The following STARD13 variants were observed in gnomAD, a reference collection of about 807,000 sequenced individuals.
STARD13 encodes StAR related lipid transfer domain containing 13.
A neutral mutation model predicts 106.4 loss-of-function variants in STARD13; 62 were observed. That is an observed-to-expected ratio of 0.58 (90% CI 0.48 to 0.72). The LOEUF is 0.72. Ranked by LOEUF, STARD13 falls within the 30% of genes least tolerant of loss-of-function variation. The probability of loss-of-function intolerance (pLI) is 0.00; values close to 1 mark genes in which losing one functional copy is unlikely to be tolerated. For synonymous variants in STARD13, 565 were observed against 553.0 expected, an observed-to-expected ratio of 1.02 and a Z score of -0.31; for missense variants, 1,387 against 1,424.0, an observed-to-expected ratio of 0.97 and a Z score of 0.42.
At chr13:33,227,518 AT>A (rs1264444900) in intron 1 of STARD13, among the ~76,000 whole-genome samples, 3 of 152,180 alleles carry the variant, frequency 2.0e-5, no homozygotes, top group Non-Finnish European at 4.4e-5. Flanking sequence ...TAGGCATTCC[AT>A]TCCCCCAAAC....
At chr13:33,455,270 C>T in the STARD13 span, among the ~76,000 whole-genome samples, 2 of 152,170 alleles carry the variant, frequency 1.3e-5, no homozygotes, top group African/African-American at 2.4e-5. Context: ...GTAAGTGTCA[C>T]GATAGTGGAA....
chr13:33,356,523 G>A, the STARD13 span, among the ~76,000 whole-genome samples: 3 of 152,258 alleles, frequency 2.0e-5, no homozygotes, highest in Admixed American at 6.5e-5. Flanking sequence ...CCATGGCTCC[G>A]CACCTACTAG....
chr13:33,287,289 G>A (rs191765150), upstream of STARD13, among the ~76,000 whole-genome samples: 36 of 152,348 alleles, frequency 2.4e-4, no homozygotes, highest in African/African-American at 7.7e-4. Context: ...ATTCTGAGAA[G>A]CAGCTCGTCT....
the STARD13 span, among the ~76,000 whole-genome samples, chr13:33,372,759 AAAACCG>A: frequency 6.6e-6 from 1 of 152,084 alleles, no homozygotes; most frequent in Non-Finnish European, 1.5e-5. Context: ...GTGAGAAAGT[AAAACCG>A]AGACAGGATT....
the STARD13 span, among the ~76,000 whole-genome samples, chr13:33,484,233 A>G: frequency 6.6e-6 from 1 of 152,184 alleles, no homozygotes; most frequent in Admixed American, 6.5e-5. Context: ...TCCCAAAACT[A>G]AACTGTCTTT....
At chr13:33,495,458 G>A in the STARD13 span, among the ~76,000 whole-genome samples, 6 of 152,048 alleles carry the variant, frequency 3.9e-5, no homozygotes, top group Non-Finnish European at 7.4e-5. Flanking sequence ...ATTTACAAGG[G>A]GCAGCATGAA....
the STARD13 span, among the ~76,000 whole-genome samples, chr13:33,388,855 C>T: frequency 1.3e-5 from 2 of 152,098 alleles, no homozygotes; most frequent in East Asian, 1.9e-4. Flanking sequence ...GTGTTGCTGC[C>T]GGTGCCTTGT....
At chr13:33,572,463 C>T in the STARD13 span, among the ~76,000 whole-genome samples, 2,210 of 152,266 alleles carry the variant, frequency 0.015, 47 homozygotes, top group African/African-American at 0.049. Flanking sequence ...TCTTCCACCA[C>T]GTGGCTGTGC....
the STARD13 span, among the ~76,000 whole-genome samples, chr13:33,581,064 C>G: frequency 2.0e-5 from 3 of 152,074 alleles, no homozygotes; most frequent in African/African-American, 7.2e-5. Flanking sequence ...ATGTCCTAAC[C>G]ACAAAGAGAA....
intron 1 of STARD13, among the ~76,000 whole-genome samples, chr13:33,170,641 A>G (rs1283269198): frequency 6.6e-6 from 1 of 152,212 alleles, no homozygotes. Context: ...ATAAATTAGA[A>G]GCAGCCCTGT....
At chr13:33,407,392 C>T in the STARD13 span, among the ~76,000 whole-genome samples, 63 of 152,282 alleles carry the variant, frequency 4.1e-4, no homozygotes, top group Admixed American at 1.3e-4. Flanking sequence ...TAAAGCGCTT[C>T]GGGTACCACA....
intron 1 of STARD13, among the ~76,000 whole-genome samples, chr13:33,293,302 G>T (rs148529631): frequency 4.6e-5 from 7 of 152,238 alleles, no homozygotes; most frequent in Middle Eastern, 3.4e-3. Flanking sequence ...GTAAGTCCTG[G>T]CACAGAGTGG....
rs577485101 is a variant in STARD13, at chr13:33,304,607, T to C, written c.124+45683A>G. On this transcript the variant is annotated intron_variant, in intron 1 of 5. Transcript: ENST00000567873. The stretch of plus-strand genomic sequence containing the variant: ...AACTTTAATGCATGAGTTTTAAAAA[T>C]ATATAAGTTAATGTCCTCCCTGATA... 7.9e-5 allele frequency among the ~76,000 whole-genome samples: 12 copies of C among 152,300 alleles called. No individual in the cohort carries two copies. The South Asian group carries it at 2.5e-3, about 32-fold the overall frequency.
rs41450645 is a variant in STARD13 at position 33,244,964 on chromosome 13, C to T, written c.169+40506G>A. On this transcript the variant is annotated intron_variant, in intron 1 of 13. Coordinates refer to ENST00000336934, the MANE Select transcript of STARD13 (RefSeq NM_178006.4). ...CACATCCCTACATCCAAATACAACA[C>T]ATTAAGCTGTCTCTGAAGTGAGGAA... Among the ~76,000 whole-genome samples, 1,142 of 152,338 alleles carry T rather than the reference C, an allele frequency of 7.5e-3. 20 individuals are homozygous for T. Among genetic ancestry groups the T allele is most frequent in the African/African-American group, 0.026 (1,096 of 41,566 alleles).
At chr13:33,468,816 G>A in the STARD13 span, among the ~76,000 whole-genome samples, 17 of 152,288 alleles carry the variant, frequency 1.1e-4, no homozygotes, top group African/African-American at 4.1e-4. Context: ...CTCCATATGA[G>A]TATTTCTCAC....
the STARD13 span, among the ~76,000 whole-genome samples, chr13:33,484,488 A>G: frequency 6.6e-5 from 10 of 152,144 alleles, no homozygotes; most frequent in Admixed American, 6.5e-4. Flanking sequence ...TCATGACTCA[A>G]CTGGTCCTGT....
chr13:33,350,193 C>T lies in STARD13; in HGVS notation c.124+97G>A, dbSNP rs2078060910. The T allele has an allele frequency of 3.6e-6, 5 of 1,373,538 alleles. No individual in the cohort carries two copies. The South Asian group carries it at 5.0e-5, about 14-fold the overall frequency. The allele number at this position is 1,373,538 out of a possible 1,614,324, so 85.1% of individuals were successfully genotyped here. A position where few individuals can be genotyped will look rare whatever the true frequency, so the allele number is the denominator to read the frequency against. The stretch of plus-strand genomic sequence containing the variant: ...GGCCTTGGGCTCTGAAACTCATGCC[C>T]TGGAGCCCAGAGCAGAGGAGGGCGG... On this transcript the variant is annotated intron_variant, in intron 1 of 1. Coordinates refer to the STARD13 transcript ENST00000439831.
chr13:33,366,964 A>G, the STARD13 span, among the ~76,000 whole-genome samples: 2 of 152,194 alleles, frequency 1.3e-5, no homozygotes, highest in Non-Finnish European at 2.9e-5. The surrounding 1 kb of genome is among the most constrained non-coding windows in gnomAD (Gnocchi z 4.2). Flanking sequence ...ATTTTCTATG[A>G]GGGATTTTGA....
At chr13:33,161,862 G>A (rs747749452) in intron 3 of STARD13, among the ~76,000 whole-genome samples, 2 of 152,132 alleles carry the variant, frequency 1.3e-5, no homozygotes, top group Admixed American at 6.5e-5. Context: ...CTTACATGGT[G>A]GTGACAAGAG....
Sources: allele counts gnomAD v4.1 joint callset (sites outside exome capture counted in the v4.1 genomes callset), GRCh38; gene constraint gnomAD v4.1.1; non-coding constraint Gnocchi (gnomAD v3.1); transcripts MANE v1.5; gene names NCBI Gene and HGNC (gene_info 2026-07-23, HGNC 2026-07-21).